The following NLGN1 variants were observed in gnomAD, a reference collection of about 807,000 sequenced individuals.
NLGN1 encodes the protein neuroligin-1.
NLGN1 carries 12 observed loss-of-function variants against 65.5 expected under a neutral mutation model. That is an observed-to-expected ratio of 0.18 (90% CI 0.12 to 0.30). NLGN1 has a LOEUF of 0.30. NLGN1 is among the 10% of genes least tolerant of loss of function. The probability of loss-of-function intolerance (pLI) is 1.00; values close to 1 mark genes in which losing one functional copy is unlikely to be tolerated. For synonymous variants in NLGN1, 350 were observed against 359.5 expected (o/e 0.97, Z 0.30); for missense variants, 750 against 1,007.1 (o/e 0.74, Z 3.46).
chr3:174,082,593 G>C (rs980473842), intron 4 of NLGN1, among the ~76,000 whole-genome samples: 1 of 151,668 alleles, frequency 6.6e-6, no homozygotes, highest in Non-Finnish European at 1.5e-5. Flanking sequence ...ATATACAATA[G>C]TAAAAGAATA....
chr3:174,020,850 T>A (rs1279135106), intron 4 of NLGN1, among the ~76,000 whole-genome samples: 7 of 152,154 alleles, frequency 4.6e-5, no homozygotes, highest in Non-Finnish European at 8.8e-5. Flanking sequence ...CTTACATAAA[T>A]GTCTGGAATC....
chr3:174,045,667 T>C lies in NLGN1; in HGVS notation c.647-229648T>C, dbSNP rs140274365. ...CATAGAAAATAAGCATATTTGATTCTATGTACTACCCTGAGGAAACTGGAA... is the reference window on the plus strand; with the variant it reads ...CATAGAAAATAAGCATATTTGATTCCATGTACTACCCTGAGGAAACTGGAA... On this transcript the variant is annotated intron_variant, in intron 4 of 6. Coordinates refer to ENST00000457714, the Ensembl canonical transcript of NLGN1. 8.5e-5 allele frequency among the ~76,000 whole-genome samples: 13 copies of C among 152,326 alleles called. No individual in the cohort carries two copies. In the East Asian group the frequency reaches 2.3e-3, roughly 27 times the overall value.
chr3:173,909,836 G>A (rs1043497195), intron 4 of NLGN1, among the ~76,000 whole-genome samples: 4 of 151,980 alleles, frequency 2.6e-5, no homozygotes, highest in Non-Finnish European at 5.9e-5. Context: ...GTGCCACCAC[G>A]CCCAGCTAAT....
chr3:173,540,147 G>C (rs1328489527), intron 2 of NLGN1, among the ~76,000 whole-genome samples: 1 of 152,002 alleles, frequency 6.6e-6, no homozygotes. Context: ...GGATGGCAGG[G>C]CTTTACTCCC....
chr3:174,133,666 A>G (rs1347590372), intron 4 of NLGN1, among the ~76,000 whole-genome samples: 1 of 152,042 alleles, frequency 6.6e-6, no homozygotes, highest in Non-Finnish European at 1.5e-5. Context: ...TTCTCTCCAT[A>G]AGAGCTGAAG....
intron 4 of NLGN1, among the ~76,000 whole-genome samples, chr3:173,883,381 G>A (rs1733704218): frequency 6.6e-6 from 1 of 152,022 alleles, no homozygotes; most frequent in Admixed American, 6.6e-5. Context: ...TGTGGTTTGT[G>A]GCACCTCAAA....
chr3:173,463,088 T>G (rs1723679128), intron 2 of NLGN1, among the ~76,000 whole-genome samples: 1 of 152,210 alleles, frequency 6.6e-6, no homozygotes, highest in South Asian at 2.1e-4. Context: ...TTGCTCAATT[T>G]AGCTCTGAGA....
At chr3:173,945,900 C>T (rs754315796) in intron 4 of NLGN1, among the ~76,000 whole-genome samples, 1 of 152,178 alleles carries the variant, frequency 6.6e-6, no homozygotes, top group Non-Finnish European at 1.5e-5. Flanking sequence ...TGAAAATAGA[C>T]TGTGCTTCTT....
At chr3:174,281,355 C>G (rs1159327274) in exon 7 of NLGN1, 1 of 1,159,534 alleles carries the variant, frequency 8.6e-7, no homozygotes, top group Non-Finnish European at 1.2e-6. Flanking sequence ...TAAACGATCA[C>G]TGAAGATTCC....
At chr3:174,083,763 AT>A in intron 4 of NLGN1, among the ~76,000 whole-genome samples, 2 of 152,180 alleles carry the variant, frequency 1.3e-5, no homozygotes, top group Non-Finnish European at 2.9e-5. Context: ...TAATATAGAA[AT>A]TTTTTTCCCT....
chr3:174,284,157 T>C (rs775567407), exon 7 of NLGN1: 5 of 151,296 alleles, frequency 3.3e-5, no homozygotes, highest in Non-Finnish European at 5.9e-5. Context: ...TAAATTAGGG[T>C]AGAATAACTT....
intron 2 of NLGN1, among the ~76,000 whole-genome samples, chr3:173,500,069 C>G (rs1472951467): frequency 6.6e-6 from 1 of 152,132 alleles, no homozygotes; most frequent in African/African-American, 2.4e-5. Flanking sequence ...ATTGCCCTGG[C>G]TAGAACTTCC....
intron 4 of NLGN1, among the ~76,000 whole-genome samples, chr3:174,129,354 A>AACACACACACACACACAC (rs61122760): frequency 1.7e-5 from 2 of 116,780 alleles, no homozygotes; most frequent in Non-Finnish European, 3.5e-5. Flanking sequence ...CCCGGTTTAC[A>AACACACACACACACACAC]ACACACACAC....
Position 173,812,048 on chromosome 3 carries a change from A to G in NLGN1, c.646+4216A>G, listed in dbSNP as rs184118875. ...ATTATGCAATTCATAATTCTAGCAC[A>G]TGTGATTTATTTTAGAAAAAAAGTT... On this transcript the variant is annotated intron_variant, in intron 4 of 6. Coordinates refer to ENST00000457714, the Ensembl canonical transcript of NLGN1. Among the ~76,000 whole-genome samples, 695 of 152,164 alleles carry G rather than the reference A, an allele frequency of 4.6e-3. 8 individuals are homozygous for G. The highest frequency in any genetic ancestry group is 0.015 in the African/African-American group (643 of 41,520).
intron 4 of NLGN1, among the ~76,000 whole-genome samples, chr3:174,031,824 G>A (rs781646094): frequency 5.9e-5 from 9 of 151,984 alleles, no homozygotes; most frequent in Non-Finnish European, 8.8e-5. Context: ...ATTTTAGAAA[G>A]CAATTTAGTT....
chr3:174,143,131 A>G (rs1050567403), intron 4 of NLGN1, among the ~76,000 whole-genome samples: 3 of 152,068 alleles, frequency 2.0e-5, no homozygotes, highest in African/African-American at 4.8e-5. Flanking sequence ...CATCAATCCA[A>G]TCACCTCCCA....
intron 4 of NLGN1, among the ~76,000 whole-genome samples, chr3:173,826,759 T>C (rs558451786): frequency 5.8e-4 from 88 of 152,058 alleles, no homozygotes; most frequent in Non-Finnish European, 1.1e-3. Flanking sequence ...AAAAAAGATG[T>C]GTAAACGTTT....
intron 2 of NLGN1, among the ~76,000 whole-genome samples, chr3:173,513,901 G>A (rs1242731739): frequency 5.3e-5 from 8 of 151,972 alleles, no homozygotes; most frequent in African/African-American, 1.9e-4. Context: ...GGTGGTGGGC[G>A]CCTGTAATCC....
At chr3:173,490,672 A>C (rs931844722) in intron 2 of NLGN1, among the ~76,000 whole-genome samples, 1 of 152,058 alleles carries the variant, frequency 6.6e-6, no homozygotes, top group Non-Finnish European at 1.5e-5. Flanking sequence ...TGAATCTATA[A>C]ATTACCTTGG....
Sources: gnomAD v4.1 joint callset for allele counts (sites outside exome capture counted in the v4.1 genomes callset) on GRCh38, gnomAD v4.1.1 for gene constraint, MANE v1.5 for transcripts, NCBI Gene and HGNC (gene_info 2026-07-23, HGNC 2026-07-21) for gene names.